The following HLA-DQB1 variants were observed in gnomAD, a reference collection of about 807,000 sequenced individuals.
The protein encoded by HLA-DQB1 is HLA class II histocompatibility antigen, DQ beta 1 chain.
HLA-DQB1 carries 13 observed loss-of-function variants against 26.4 expected under a neutral mutation model. The observed-to-expected ratio is 0.49, with a 90% CI of 0.32 to 0.78. HLA-DQB1 has a LOEUF of 0.78. HLA-DQB1 is among the 30% of genes least tolerant of loss of function. The pLI is 0.03. For synonymous variants in HLA-DQB1, 60 were observed against 129.1 expected (o/e 0.46, Z 3.63); for missense variants, 158 against 326.2 (o/e 0.48, Z 3.97).
intron 3 of HLA-DQB1, chr6:32,661,727 C>T (rs9273803): frequency 0.22 from 97,367 of 444,580 alleles, 15,643 homozygotes; most frequent in South Asian, 0.27. Flanking sequence ...AAGAATCAGT[C>T]CCTCAGAGCT....
At position 32,661,879 on chromosome 6, in the gene HLA-DQB1, C is replaced by T. The variant is rs281864196; in HGVS notation, c.661+88G>A. 6.9e-6 allele frequency: 7 copies of T among 1,017,036 alleles called. No homozygotes were observed. The South Asian group carries it at 1.1e-4, about 16-fold the overall frequency. 63.0% of individuals were successfully genotyped at this position (1,017,036 alleles called of 1,614,324 possible). ...CCTGTGATTCCCAGCTCAGTAGTGA[C>T]ATCAGGGATAAGAGATGGGAAGGAA... On this transcript the variant is annotated intron_variant, in intron 3 of 4. Transcript: ENST00000434651.
At chr6:32,662,199 G>A in exon 3 of HLA-DQB1, 2 of 1,482,452 alleles carry the variant, frequency 1.3e-6, no homozygotes, top group Non-Finnish European at 1.8e-6. Context: ...GCAGGTTGTG[G>A]TGGTTGAGGG....
chr6:32,665,200 G>T (rs281861941), intron 1 of HLA-DQB1, 133 bp from the exon 2 acceptor site: 1 of 522,374 alleles, frequency 1.9e-6, no homozygotes, highest in Non-Finnish European at 3.1e-6. Flanking sequence ...TGGCGCTCCA[G>T]ACCTGGGATC....
At position 32,665,164 on chromosome 6, in the gene HLA-DQB1, A is replaced by ACCTCCAGTTCCCGCCCGC. The variant is rs1783862685; in HGVS notation, c.110-115_110-98dup. 5.3e-6 allele frequency: 4 copies of ACCTCCAGTTCCCGCCCGC among 760,368 alleles called. No homozygotes were observed. The South Asian group carries it at 9.6e-5, about 18-fold the overall frequency. 47.1% of individuals were successfully genotyped at this position (760,368 alleles called of 1,614,324 possible). On this transcript the variant is annotated intron_variant, in intron 1 of 4. Transcript: ENST00000434651. ...CTGGAGCTGTGGAACCGCCCGCGCG[A>ACCTCCAGTTCCCGCCCGC]CCTCCAGTTCCCGCCCGCCCGTGCC...
In HLA-DQB1 at chr6:32,661,408, G is replaced by A. The variant is rs775662251; in HGVS notation, c.711C>T (p.Gly237=). 1.3e-5 allele frequency: 16 copies of A among 1,229,106 alleles called. 1 individual carries two copies. Among genetic ancestry groups the A allele is most frequent in the Non-Finnish European group, 1.8e-5 (16 of 881,378 alleles). 76.1% of individuals were successfully genotyped at this position (1,229,106 alleles called of 1,614,324 possible). A position where few individuals can be genotyped will look rare whatever the true frequency, so the allele number is the denominator to read the frequency against. ...CAAGGAAGATCAGCCCCAGCACGAAGCCTCCAACGCCACTCAGCATCTTGC... is the reference window on the plus strand; with the variant it reads ...CAAGGAAGATCAGCCCCAGCACGAAACCTCCAACGCCACTCAGCATCTTGC... Residue 237 remains glycine, a synonymous_variant, in exon 4 of 5, where the codon GGC becomes GGT. Coordinates refer to ENST00000434651, the Ensembl canonical transcript of HLA-DQB1.
chr6:32,661,021 A>C, intron 4 of HLA-DQB1: 1 of 593,278 alleles, frequency 1.7e-6, no homozygotes, highest in Non-Finnish European at 3.0e-6. Context: ...ACCCTAATTT[A>C]AAATCCCCTA....
intron 4 of HLA-DQB1, 96 bp downstream of exon 4, chr6:32,661,251 G>T: frequency 3.7e-6 from 2 of 533,732 alleles, no homozygotes; most frequent in South Asian, 2.2e-5. Flanking sequence ...CTTCTTCTCA[G>T]GGTCAGGAGG....
At chr6:32,661,753 C>T (rs28724250) in intron 3 of HLA-DQB1, 61,156 of 456,522 alleles carry the variant, frequency 0.13, 7,282 homozygotes, top group East Asian at 0.45. Context: ...GACTGGGATT[C>T]AGAGCAACAG....
At chr6:32,661,733 G>A (rs1426948630) in intron 3 of HLA-DQB1, 1 of 464,962 alleles carries the variant, frequency 2.2e-6, no homozygotes. Context: ...CAGTCCCTCA[G>A]AGCTATCAGG....
chr6:32,663,279 A>T (rs1554167236), intron 2 of HLA-DQB1: 1 of 151,606 alleles, frequency 6.6e-6, no homozygotes, highest in Admixed American at 6.6e-5. Flanking sequence ...AATAGCAAAA[A>T]TATAAGTACT....
chr6:32,666,264 T>TC (rs1784129876), intron 1 of HLA-DQB1, among the ~76,000 whole-genome samples: 1 of 85,446 alleles, frequency 1.2e-5, no homozygotes, highest in African/African-American at 3.9e-5. Flanking sequence ...TATCTCCTCT[T>TC]TCTCTCCTCT....
exon 1 of HLA-DQB1, chr6:32,666,554 G>A (rs1049058): frequency 0.11 from 117,034 of 1,089,278 alleles, 14,176 homozygotes; most frequent in Middle Eastern, 0.2. Flanking sequence ...GCATCAAGGT[G>A]ACAGTTGCTA....
In HLA-DQB1 at chr6:32,665,110, CG is replaced by C. The variant is rs763816070; in HGVS notation, c.110-44del. 6.6e-5 allele frequency: 68 copies of C among 1,029,632 alleles called. 2 individuals are homozygous for C. Among genetic ancestry groups the C allele is most frequent in the Middle Eastern group, 7.5e-4 (2 of 2,680 alleles). The allele number at this position is 1,029,632 out of a possible 1,614,324, so 63.8% of individuals were successfully genotyped here. A position where few individuals can be genotyped will look rare whatever the true frequency, so the allele number is the denominator to read the frequency against. On this transcript the variant is annotated intron_variant, in intron 1 of 4. Transcript: ENST00000434651. The stretch of plus-strand genomic sequence containing the variant: ...CCGGTCAGTCAGGCCCCAGCCCGGC[CG>C]CCCCCGCAGCCGCCGCCCTGACCCG...
At position 32,661,232 on chromosome 6, in the gene HLA-DQB1, C is replaced by T. The variant is rs1478327435; in HGVS notation, c.772+115G>A. On this transcript the variant is annotated intron_variant, in intron 4 of 4. Transcript: ENST00000434651. The stretch of plus-strand genomic sequence containing the variant: ...AATGCCTCCTCCCATCTTGTCCTGT[C>T]TCCTCGCACTTCTTCTCAGGGTCAG... 1.3e-4 allele frequency: 66 copies of T among 493,072 alleles called. 5 individuals are homozygous for T. Among genetic ancestry groups the T allele is most frequent in the Non-Finnish European group, 2.2e-4 (63 of 291,836 alleles). 30.5% of individuals were successfully genotyped at this position (493,072 alleles called of 1,614,324 possible). A position where few individuals can be genotyped will look rare whatever the true frequency, so the allele number is the denominator to read the frequency against.
chr6:32,665,952 T>A (rs281861297), intron 1 of HLA-DQB1, among the ~76,000 whole-genome samples: 1 of 137,334 alleles, frequency 7.3e-6, no homozygotes, highest in African/African-American at 2.8e-5. Context: ...CATTTGCCCA[T>A]AAATCAGTGA....
At position 32,661,046 on chromosome 6, in the gene HLA-DQB1, G is replaced by T. The variant is rs117069212; in HGVS notation, c.772+301C>A. On this transcript the variant is annotated intron_variant, in intron 4 of 4. Transcript: ENST00000434651. ...AAAATCCCCTAAAACAAAGGAAATT[G>T]TCACTAGAAAGAAAGGAAGCTGAGG... Among the ~76,000 whole-genome samples, 2,164 of 143,912 alleles carry T rather than the reference G, an allele frequency of 0.015. 188 individuals are homozygous for T. The South Asian group carries it at 0.16, about 11-fold the overall frequency. 94.4% of individuals were successfully genotyped at this position (143,912 alleles called of 152,430 possible).
intron 4 of HLA-DQB1, 72 bp from the exon 5 acceptor site, chr6:32,660,321 G>C (rs28703037): frequency 0.082 from 63,868 of 776,580 alleles, 17,054 homozygotes; most frequent in Middle Eastern, 0.13. Context: ...CACCCTTCAG[G>C]GGCCCCCTGC....
chr6:32,666,120 T>A (rs9274492), intron 1 of HLA-DQB1, among the ~76,000 whole-genome samples: 22,619 of 106,396 alleles, frequency 0.21, 2,174 homozygotes, highest in South Asian at 0.29. Flanking sequence ...CAATGCAGGA[T>A]CTCATAATCC....
At chr6:32,660,671 G>A in intron 4 of HLA-DQB1, 2 of 422,868 alleles carry the variant, frequency 4.7e-6, no homozygotes, top group Admixed American at 4.1e-5. Context: ...TGCCACCAAA[G>A]TTAAGGCTTG....
Sources: allele counts gnomAD v4.1 joint callset (sites outside exome capture counted in the v4.1 genomes callset), GRCh38; gene constraint gnomAD v4.1.1; transcripts MANE v1.5; gene names NCBI Gene and HGNC (gene_info 2026-07-23, HGNC 2026-07-21).